PDE10A: variants seen among roughly 807,000 people sequenced by gnomAD.
The protein encoded by PDE10A is cAMP and cAMP-inhibited cGMP 3',5'-cyclic phosphodiesterase 10A.
Under a neutral mutation model 97.7 loss-of-function variants are expected in PDE10A, and 39 were observed. The ratio of observed to expected loss-of-function variants is 0.40; its 90% CI spans 0.31 to 0.52. The LOEUF (loss-of-function observed/expected upper bound fraction) is 0.52. Among genes scored for constraint, PDE10A ranks in the 20% least tolerant of loss-of-function variants. The pLI, the probability that PDE10A is intolerant of heterozygous loss-of-function variation, is 0.56. For synonymous variants in PDE10A, 371 were observed against 376.8 expected, an observed-to-expected ratio of 0.98 and a Z score of 0.18; for missense variants, 731 against 1,047.8, an observed-to-expected ratio of 0.70 and a Z score of 4.17.
chr6:165,339,237 A>G (rs1446149215), intron 20 of PDE10A, 41 bp downstream of exon 20: 5 of 1,142,044 alleles, frequency 4.4e-6, no homozygotes, highest in Non-Finnish European at 5.3e-6. Flanking sequence ...ACCTTAAACT[A>G]TTTGGCTTTA....
intron 18 of PDE10A, among the ~76,000 whole-genome samples, chr6:165,353,230 T>G (rs1737776773): frequency 6.6e-6 from 1 of 152,212 alleles, no homozygotes; most frequent in Non-Finnish European, 1.5e-5. Flanking sequence ...CATTCATTGC[T>G]GGTGGGAATG....
chr6:165,623,081 T>C (rs1788221244), intron 1 of PDE10A, among the ~76,000 whole-genome samples: 1 of 152,184 alleles, frequency 6.6e-6, no homozygotes, highest in Admixed American at 6.5e-5. Context: ...ATGTGTCCTG[T>C]ACAGTCTGCA....
At chr6:165,386,150 A>T (rs927850863) in intron 17 of PDE10A, among the ~76,000 whole-genome samples, 2 of 152,062 alleles carry the variant, frequency 1.3e-5, no homozygotes, top group African/African-American at 2.4e-5. Context: ...CAAGCCCCAC[A>T]TCGCGGAGGG....
At chr6:165,820,060 T>C (rs547694511) in intron 1 of PDE10A, among the ~76,000 whole-genome samples, 7 of 152,232 alleles carry the variant, frequency 4.6e-5, no homozygotes, top group Non-Finnish European at 8.8e-5. Context: ...AATGTAAGTC[T>C]GTTACTACAA....
At chr6:165,586,149 G>C (rs148380555) in intron 1 of PDE10A, among the ~76,000 whole-genome samples, 1 of 152,274 alleles carries the variant, frequency 6.6e-6, no homozygotes, top group Non-Finnish European at 1.5e-5. Flanking sequence ...TTCTAACAAA[G>C]GCCGAACAGA....
chr6:165,720,690 A>T (rs4312966), intron 1 of PDE10A, among the ~76,000 whole-genome samples: 3 of 152,072 alleles, frequency 2.0e-5, no homozygotes, highest in Non-Finnish European at 2.9e-5. Flanking sequence ...GGATAAGCAC[A>T]TATCCTTATG....
Position 165,661,927 on chromosome 6 carries a change from A to C in PDE10A, c.865+20T>G. 3.0e-5 allele frequency: 26 copies of C among 854,648 alleles called. No individual in the cohort carries two copies. The highest frequency in any genetic ancestry group is 4.6e-5 in the Non-Finnish European group (24 of 519,572). 52.9% of individuals were successfully genotyped at this position (854,648 alleles called of 1,614,324 possible). On this transcript the variant is annotated intron_variant, in intron 1 of 21. Transcript: ENST00000539869. The surrounding 1 kb of genome is among the most constrained non-coding windows in gnomAD (Gnocchi z 4.8). The stretch of plus-strand genomic sequence containing the variant: ...TGAGGAGCCGCCCCACCTCCGGGGA[A>C]CGGGGAGCAGGCCACTTACTGGGGC...
At chr6:165,474,470 C>T (rs964989978) in intron 3 of PDE10A, among the ~76,000 whole-genome samples, 2 of 152,170 alleles carry the variant, frequency 1.3e-5, no homozygotes, top group Non-Finnish European at 2.9e-5. Context: ...GTAAACTTAG[C>T]ATTGCTCTTC....
intron 2 of PDE10A, among the ~76,000 whole-genome samples, chr6:165,517,740 T>C (rs73786626): frequency 1.3e-3 from 199 of 152,294 alleles, no homozygotes; most frequent in African/African-American, 4.5e-3. Context: ...GGCAGGATTA[T>C]AAAGGACGGC....
intron 1 of PDE10A, among the ~76,000 whole-genome samples, chr6:165,895,225 G>A (rs1781911893): frequency 6.6e-6 from 1 of 152,186 alleles, no homozygotes; most frequent in Non-Finnish European, 1.5e-5. Context: ...TGAGGATGAG[G>A]TCATACTCCA....
intron 3 of PDE10A, among the ~76,000 whole-genome samples, chr6:165,472,586 G>A (rs1331116445): frequency 6.6e-6 from 1 of 151,968 alleles, no homozygotes; most frequent in Admixed American, 6.6e-5. Flanking sequence ...TATCTCTCAG[G>A]TTTGGTAGAC....
intron 1 of PDE10A, among the ~76,000 whole-genome samples, chr6:165,723,849 G>GT (rs11387714): frequency 0.65 from 96,328 of 149,298 alleles, 31,281 homozygotes; most frequent in South Asian, 0.74. Flanking sequence ...AGATAAAGGT[G>GT]TTTTTTTTTT....
intron 1 of PDE10A, among the ~76,000 whole-genome samples, chr6:165,635,009 T>A (rs1788807801): frequency 6.6e-6 from 1 of 152,160 alleles, no homozygotes; most frequent in African/African-American, 2.4e-5. Context: ...GGACTACTAC[T>A]CCTCCAGGTT....
chr6:165,942,290 GTA>G (rs753556032), intron 1 of PDE10A, among the ~76,000 whole-genome samples: 5 of 107,262 alleles, frequency 4.7e-5, no homozygotes, highest in East Asian at 2.4e-4. Context: ...GTATGTGTGT[GTA>G]TATATATATA....
Position 165,562,165 on chromosome 6 carries a change from T to C in PDE10A, c.866-18597A>G, listed in dbSNP as rs181738230. On this transcript the variant is annotated intron_variant, in intron 1 of 21. Coordinates refer to ENST00000539869, the MANE Select transcript of PDE10A (RefSeq NM_001385079.1). ...GCATGACCATCATTAGTTTACTAGATATACTATATCTATGTATTATTTTAA... is the reference window on the plus strand; with the variant it reads ...GCATGACCATCATTAGTTTACTAGACATACTATATCTATGTATTATTTTAA... Among the ~76,000 whole-genome samples the C allele has an allele frequency of 6.8e-4, 103 of 152,284 alleles. 1 individual carries two copies. The highest frequency in any genetic ancestry group is 2.3e-3 in the African/African-American group (96 of 41,564).
intron 1 of PDE10A, among the ~76,000 whole-genome samples, chr6:165,632,790 G>A (rs1248121117): frequency 6.6e-6 from 1 of 152,046 alleles, no homozygotes; most frequent in Non-Finnish European, 1.5e-5. Flanking sequence ...TGTTCCTTTG[G>A]GCACATGAAC....
At chr6:165,935,044 C>T (rs749757101) in intron 1 of PDE10A, among the ~76,000 whole-genome samples, 2 of 152,196 alleles carry the variant, frequency 1.3e-5, no homozygotes, top group East Asian at 1.9e-4. Flanking sequence ...AGTTATCAGA[C>T]GTAGTTCCTT....
intron 1 of PDE10A, among the ~76,000 whole-genome samples, chr6:165,793,645 TG>T (rs1247591867): frequency 6.6e-6 from 1 of 152,204 alleles, no homozygotes; most frequent in African/African-American, 2.4e-5. Flanking sequence ...GCTGCACCGC[TG>T]GGGGTCTCCC....
At chr6:165,894,364 G>T (rs1286571615) in intron 1 of PDE10A, 2 of 455,964 alleles carry the variant, frequency 4.4e-6, no homozygotes, top group East Asian at 6.9e-5. Context: ...ACTACAGAAG[G>T]CCTCGACAGG....
Sources: gnomAD v4.1 joint callset for allele counts (sites outside exome capture counted in the v4.1 genomes callset) on GRCh38, gnomAD v4.1.1 for gene constraint, Gnocchi (gnomAD v3.1) non-coding constraint, MANE v1.5 for transcripts, NCBI Gene and HGNC (gene_info 2026-07-23, HGNC 2026-07-21) for gene names.